The following CRPPA variants were observed in gnomAD, a reference collection of about 807,000 sequenced individuals.
CRPPA encodes CDP-L-ribitol pyrophosphorylase A.
Under a neutral mutation model 52.0 loss-of-function variants are expected in CRPPA, and 43 were observed. The ratio of observed to expected loss-of-function variants is 0.83; its 90% CI spans 0.65 to 1.07. The LOEUF (loss-of-function observed/expected upper bound fraction) is 1.07, where lower values mean the gene tolerates loss of function less well. Ranked by LOEUF, CRPPA falls within the 50% of genes least tolerant of loss-of-function variation. CRPPA has a pLI of 0.00. For synonymous variants in CRPPA, 250 were observed against 203.5 expected (o/e 1.23, Z -1.94); for missense variants, 629 against 551.7 (o/e 1.14, Z -1.40).
intron 6 of CRPPA, among the ~76,000 whole-genome samples, chr7:16,271,609 C>T (rs1162290585): frequency 6.6e-6 from 1 of 152,126 alleles, no homozygotes; most frequent in Non-Finnish European, 1.5e-5. Flanking sequence ...CTTTCACATA[C>T]TGTTACTTCT....
At chr7:16,251,501 A>G (rs1395388805) in intron 8 of CRPPA, among the ~76,000 whole-genome samples, 1 of 152,212 alleles carries the variant, frequency 6.6e-6, no homozygotes, top group East Asian at 1.9e-4. Context: ...AGCAAATGTA[A>G]AAGAATGGAG....
At chr7:16,253,952 G>C (rs1197816809) in intron 8 of CRPPA, among the ~76,000 whole-genome samples, 1 of 152,136 alleles carries the variant, frequency 6.6e-6, no homozygotes, top group African/African-American at 2.4e-5. Context: ...CTTCTCAAAA[G>C]AAGATATTTA....
chr7:16,216,275 C>T lies in CRPPA; in HGVS notation c.1120-78G>A. The T allele has an allele frequency of 1.1e-5, 10 of 895,992 alleles. No individual in the cohort carries two copies. The South Asian group carries it at 1.8e-4, about 16-fold the overall frequency. The allele number at this position is 895,992 out of a possible 1,614,324, so 55.5% of individuals were successfully genotyped here. ...GGAGGGAAAAAACATTAAAGAAGCT[C>T]AAAACCCATATGATTACAATATTGC... On this transcript the variant is annotated intron_variant, in intron 8 of 9. Transcript: ENST00000407010.
At chr7:16,146,845 G>C (rs1382661557) in intron 9 of CRPPA, among the ~76,000 whole-genome samples, 1 of 152,176 alleles carries the variant, frequency 6.6e-6, no homozygotes, top group Non-Finnish European at 1.5e-5. Context: ...GTCAGGGAGA[G>C]AGGAACAAAG....
intron 2 of CRPPA, among the ~76,000 whole-genome samples, chr7:16,405,368 T>C (rs893665233): frequency 2.0e-5 from 3 of 152,128 alleles, no homozygotes; most frequent in Non-Finnish European, 4.4e-5. Flanking sequence ...ACGACATCAC[T>C]AGTAAATAAA....
At position 16,089,243 on chromosome 7, in the gene CRPPA, CAT is replaced by C. The variant is rs760783203; in HGVS notation, c.*2450_*2451del. On this transcript the variant is annotated 3_prime_UTR_variant, in exon 10 of 10. Transcript: ENST00000407010. Reference sequence around the variant, plus strand: ...ATATGTGTGTATGCGTACGTATATACATATATGTGTGTATGCGTACGTATATA... The same window carrying C: ...ATATGTGTGTATGCGTACGTATATACATATGTGTGTATGCGTACGTATATA... The C allele has an allele frequency of 2.6e-4, 96 of 371,434 alleles. No individual in the cohort carries two copies. Among genetic ancestry groups the C allele is most frequent in the Middle Eastern group, 8.9e-4 (1 of 1,118 alleles). 23.0% of individuals were successfully genotyped at this position (371,434 alleles called of 1,614,324 possible).
intron 9 of CRPPA, among the ~76,000 whole-genome samples, chr7:16,118,090 C>G (rs1436162760): frequency 2.0e-5 from 3 of 152,222 alleles, no homozygotes; most frequent in African/African-American, 7.2e-5. Context: ...TTTGAATTGG[C>G]TCTTAGAATG....
In CRPPA at chr7:16,125,888, T is replaced by TACAC. The variant is rs3083131; in HGVS notation, c.1252-34093_1252-34090dup. Among the ~76,000 whole-genome samples, 961 of 134,214 alleles carry TACAC rather than the reference T, an allele frequency of 7.2e-3. 12 individuals carry two copies. The highest frequency in any genetic ancestry group is 0.021 in the African/African-American group (741 of 35,552). 88.0% of individuals were successfully genotyped at this position (134,214 alleles called of 152,430 possible). Reference sequence around the variant, plus strand: ...GTTAGATGTACAATAGAAGCTTGCCTACACACACACACACACACACACACA... The same window carrying TACAC: ...GTTAGATGTACAATAGAAGCTTGCCTACACACACACACACACACACACACACACA... On this transcript the variant is annotated intron_variant, in intron 9 of 9. Transcript: ENST00000407010.
At chr7:16,260,492 T>A (rs1343203823) in intron 6 of CRPPA, among the ~76,000 whole-genome samples, 1 of 151,920 alleles carries the variant, frequency 6.6e-6, no homozygotes, top group South Asian at 2.1e-4. Context: ...AAAAACCGAG[T>A]GCTACATTTT....
At chr7:16,399,499 G>A (rs1005896356) in intron 2 of CRPPA, among the ~76,000 whole-genome samples, 4 of 109,584 alleles carry the variant, frequency 3.7e-5, no homozygotes, top group Admixed American at 8.6e-5. Flanking sequence ...CATGTGACTC[G>A]TGACCAACGT....
chr7:16,352,391 C>G (rs1786178883), intron 3 of CRPPA, among the ~76,000 whole-genome samples: 1 of 150,432 alleles, frequency 6.6e-6, no homozygotes, highest in African/African-American at 2.5e-5. Context: ...GCATATGATC[C>G]CAGAACTTAA....
intron 9 of CRPPA, among the ~76,000 whole-genome samples, chr7:16,214,677 T>C (rs1310003633): frequency 6.6e-6 from 1 of 152,136 alleles, no homozygotes; most frequent in Non-Finnish European, 1.5e-5. Flanking sequence ...GCTAATTTTT[T>C]AACTTTTTTG....
intron 3 of CRPPA, among the ~76,000 whole-genome samples, chr7:16,315,462 T>C (rs1020802631): frequency 6.6e-6 from 1 of 152,190 alleles, no homozygotes; most frequent in Non-Finnish European, 1.5e-5. Flanking sequence ...ACTTGTACTT[T>C]CACTTTCTCA....
intron 9 of CRPPA, among the ~76,000 whole-genome samples, chr7:16,214,928 G>A (rs17169354): frequency 0.036 from 5,519 of 152,238 alleles, 254 homozygotes; most frequent in East Asian, 0.19. Context: ...GCCTCCTACA[G>A]CATTAACATT....
At chr7:16,396,912 CA>C (rs1219313239) in intron 2 of CRPPA, among the ~76,000 whole-genome samples, 4 of 152,178 alleles carry the variant, frequency 2.6e-5, no homozygotes, top group African/African-American at 7.2e-5. Flanking sequence ...GTGTGAAAGA[CA>C]AATGTGACAT....
At chr7:16,207,541 A>G (rs546472795) in intron 9 of CRPPA, among the ~76,000 whole-genome samples, 60 of 152,340 alleles carry the variant, frequency 3.9e-4, no homozygotes, top group Admixed American at 1.4e-3. Context: ...GAAAACAAAC[A>G]AAGATATCTC....
At chr7:16,228,738 G>A (rs1341014250) in intron 8 of CRPPA, among the ~76,000 whole-genome samples, 1 of 151,928 alleles carries the variant, frequency 6.6e-6, no homozygotes, top group African/African-American at 2.4e-5. Flanking sequence ...AATATTCCAT[G>A]TGCAGTTGAG....
At chr7:16,357,676 G>T (rs189984357) in intron 3 of CRPPA, among the ~76,000 whole-genome samples, 3 of 152,256 alleles carry the variant, frequency 2.0e-5, no homozygotes, top group African/African-American at 7.2e-5. Flanking sequence ...TCAGCATTCA[G>T]TCAAGAGTCA....
At chr7:16,195,562 G>C (rs1301859712) in intron 9 of CRPPA, among the ~76,000 whole-genome samples, 1 of 151,640 alleles carries the variant, frequency 6.6e-6, no homozygotes, top group African/African-American at 2.4e-5. Context: ...CTTCCCTCTG[G>C]CCAGAAGATA....
Sources: gnomAD v4.1 joint callset for allele counts (sites outside exome capture counted in the v4.1 genomes callset) on GRCh38, gnomAD v4.1.1 for gene constraint, MANE v1.5 for transcripts, NCBI Gene and HGNC (gene_info 2026-07-23, HGNC 2026-07-21) for gene names.